MAP3K20: variants seen among roughly 807,000 people sequenced by gnomAD.
The protein encoded by MAP3K20 is HCCS-4.
In MAP3K20, 40 loss-of-function variants were observed where a neutral mutation model predicts 85.7. The ratio of observed to expected loss-of-function variants is 0.47; its 90% CI spans 0.36 to 0.61. The LOEUF is 0.61. MAP3K20 is among the 20% of genes least tolerant of loss of function. The pLI is 0.00. For synonymous variants in MAP3K20, 325 were observed against 327.7 expected (o/e 0.99, Z 0.09); for missense variants, 817 against 961.7 (o/e 0.85, Z 1.99).
rs935359241 is a variant in MAP3K20 at position 173,168,642 on chromosome 2, G to A, written c.160-1163G>A. 7.2e-5 allele frequency among the ~76,000 whole-genome samples: 11 copies of A among 152,018 alleles called. 1 individual carries two copies. The highest frequency in any genetic ancestry group is 1.6e-4 in the Non-Finnish European group (11 of 68,000). ...ATTCTTCTTGATGATCCTCTTTCTG[G>A]GGTGGGGACTTATAAATCTCCAGTC... On this transcript the variant is annotated intron_variant, in intron 2 of 19. Coordinates refer to ENST00000375213, the MANE Select transcript of MAP3K20 (RefSeq NM_016653.3).
chr2:173,133,750 T>C (rs1254634396), intron 2 of MAP3K20, among the ~76,000 whole-genome samples: 1 of 151,662 alleles, frequency 6.6e-6, no homozygotes, highest in African/African-American at 2.4e-5. Flanking sequence ...TTTTAAACAT[T>C]CATGCGGGCG....
intron 11 of MAP3K20, chr2:173,222,729 A>G: frequency 1.0e-6 from 1 of 985,436 alleles, no homozygotes; most frequent in South Asian, 4.7e-5. Context: ...TTTCCATATC[A>G]AGTTTAGCCT....
chr2:173,091,232 T>G, intron 2 of MAP3K20, 42 bp downstream of exon 2: 1 of 1,585,854 alleles, frequency 6.3e-7, no homozygotes, highest in Non-Finnish European at 8.6e-7. Context: ...ACGATACCAT[T>G]TATGTAAGCT....
intron 2 of MAP3K20, among the ~76,000 whole-genome samples, chr2:173,134,705 A>G (rs1457966805): frequency 2.0e-5 from 3 of 151,748 alleles, no homozygotes; most frequent in African/African-American, 7.3e-5. Flanking sequence ...AGATATTTCC[A>G]GGCAGCTATG....
At chr2:173,124,556 G>A (rs1336186080) in intron 2 of MAP3K20, among the ~76,000 whole-genome samples, 5 of 152,180 alleles carry the variant, frequency 3.3e-5, no homozygotes, top group African/African-American at 4.8e-5. Flanking sequence ...ATGTAGTGCC[G>A]CAGGTTGGAA....
At chr2:173,104,804 T>G (rs1687738244) in intron 2 of MAP3K20, among the ~76,000 whole-genome samples, 1 of 151,956 alleles carries the variant, frequency 6.6e-6, no homozygotes, top group Non-Finnish European at 1.5e-5. Flanking sequence ...TTTCAATGAG[T>G]TGGTCAGGGT....
intron 2 of MAP3K20, among the ~76,000 whole-genome samples, chr2:173,144,185 C>T (rs892261474): frequency 2.6e-5 from 4 of 151,536 alleles, no homozygotes; most frequent in East Asian, 1.9e-4. Flanking sequence ...GAAAGAAGGC[C>T]GGGTGTGGTG....
chr2:173,244,285 T>C (rs907980098), intron 16 of MAP3K20, among the ~76,000 whole-genome samples: 1 of 152,214 alleles, frequency 6.6e-6, no homozygotes, highest in African/African-American at 2.4e-5. Flanking sequence ...TGGGTGAGGT[T>C]CATCAGGAAA....
chr2:173,202,810 C>T (rs1683523656), intron 8 of MAP3K20, among the ~76,000 whole-genome samples: 1 of 152,070 alleles, frequency 6.6e-6, no homozygotes, highest in Admixed American at 6.5e-5. Context: ...GTTGTTATGT[C>T]AGAAATCATG....
chr2:173,215,415 T>C (rs893672876), intron 10 of MAP3K20, among the ~76,000 whole-genome samples: 1 of 149,044 alleles, frequency 6.7e-6, no homozygotes, highest in Non-Finnish European at 1.5e-5. Context: ...AATAAAAACT[T>C]TGTTTACGTG....
chr2:173,134,426 A>T (rs1250735127), intron 2 of MAP3K20, among the ~76,000 whole-genome samples: 1,989 of 4,504 alleles, frequency 0.44, 345 homozygotes, highest in South Asian at 0.5. Context: ...ATATATATAT[A>T]TATTTTTTTT....
intron 5 of MAP3K20, among the ~76,000 whole-genome samples, chr2:173,189,003 C>T (rs1243487403): frequency 6.6e-6 from 1 of 152,070 alleles, no homozygotes; most frequent in Non-Finnish European, 1.5e-5. Context: ...GACTATATAA[C>T]AATGGAGAGT....
chr2:173,215,488 T>A (rs1684046133), intron 10 of MAP3K20: 1 of 152,242 alleles, frequency 6.6e-6, no homozygotes, highest in African/African-American at 2.4e-5. Flanking sequence ...GGTACAGTCA[T>A]AATTCTGAAA....
chr2:173,258,932 C>T (rs962068879), intron 17 of MAP3K20, 117 bp downstream of exon 17: 7 of 569,076 alleles, frequency 1.2e-5, no homozygotes, highest in Middle Eastern at 3.1e-4. Flanking sequence ...AGCTCAGCCT[C>T]GAGCTGGCTG....
Position 173,266,133 on chromosome 2 carries a change from A to G in MAP3K20, c.1786A>G (p.Ile596Val), listed in dbSNP as rs368057302. ...TSLQRSQSNPILGSPFFSHFD... is the reference protein window; with the variant it reads ...TSLQRSQSNPVLGSPFFSHFD... Reference sequence around the variant, plus strand: ...TTTACAGCGTTCCCAGAGCAATCCTATTCTGGGGTCACCGTTCTTCTCACA... The same window carrying G: ...TTTACAGCGTTCCCAGAGCAATCCTGTTCTGGGGTCACCGTTCTTCTCACA... Residue 596 changes from isoleucine (I) to valine (V), a missense_variant, in exon 20 of 20, where the codon ATT becomes GTT. Physicochemically the swap from Ile to Val is conservative, Grantham distance 29. This residue lies in a region of MAP3K20 where 454 missense variants were observed against 476.9 expected (regional missense o/e 0.95). Coordinates refer to ENST00000375213, the MANE Select transcript of MAP3K20 (RefSeq NM_016653.3). 1.0e-4 allele frequency: 166 copies of G among 1,613,434 alleles called. No individual in the cohort carries two copies. The highest frequency in any genetic ancestry group is 1.3e-4 in the Non-Finnish European group (156 of 1,179,810).
chr2:173,207,387 G>C (rs1325679947), intron 9 of MAP3K20, among the ~76,000 whole-genome samples: 1 of 152,202 alleles, frequency 6.6e-6, no homozygotes, highest in East Asian at 1.9e-4. Context: ...AGCTACTTGG[G>C]AGTCTGAGGC....
chr2:173,125,024 A>T (rs4972530), intron 2 of MAP3K20, among the ~76,000 whole-genome samples: 220 of 152,056 alleles, frequency 1.4e-3, no homozygotes, highest in African/African-American at 5.2e-3. Flanking sequence ...AATTTTACCA[A>T]CTGACAAAAG....
chr2:173,239,593 T>G, intron 16 of MAP3K20, 97 bp downstream of exon 16: 262 of 953,860 alleles, frequency 2.7e-4, no homozygotes, highest in Non-Finnish European at 3.7e-4. Flanking sequence ...TACCAGCTGG[T>G]AACTGGATTT....
chr2:173,127,581 A>T (rs554672843), intron 2 of MAP3K20, among the ~76,000 whole-genome samples: 2 of 152,350 alleles, frequency 1.3e-5, no homozygotes, highest in African/African-American at 4.8e-5. Flanking sequence ...CATTTACAGT[A>T]AATAAACCGA....
Sources: gnomAD v4.1 joint callset for allele counts (sites outside exome capture counted in the v4.1 genomes callset) on GRCh38, gnomAD v4.1.1 for gene constraint, gnomAD v4.1.1 regional missense constraint, MANE v1.5 for transcripts, NCBI Gene and HGNC (gene_info 2026-07-23, HGNC 2026-07-21) for gene names.